The following RTN4RL1 variants were observed in gnomAD, a reference collection of about 807,000 sequenced individuals.
RTN4RL1 encodes reticulon-4 receptor-like 1.
Under a neutral mutation model 25.6 loss-of-function variants are expected in RTN4RL1, and 7 were observed. The ratio of observed to expected loss-of-function variants is 0.27; its 90% CI spans 0.16 to 0.51. RTN4RL1 has a LOEUF of 0.51. RTN4RL1 is among the 20% of genes least tolerant of loss of function. RTN4RL1 has a pLI of 0.97. For missense variants in RTN4RL1, 500 were observed against 615.6 expected (o/e 0.81, Z 1.99); for synonymous variants, 297 against 288.2 (o/e 1.03, Z -0.31).
intron 1 of RTN4RL1, among the ~76,000 whole-genome samples, chr17:1,980,802 C>G (rs546466275): frequency 6.6e-6 from 1 of 151,544 alleles, no homozygotes; most frequent in Admixed American, 6.6e-5. Context: ...GGTGGTGTAG[C>G]CTGTAATCCC....
chr17:1,937,949 G>A lies in RTN4RL1; in HGVS notation c.14-141C>T, dbSNP rs563695818. ...TTGTCCCTGGCTGGAGCAAGGCCAG[G>A]GTCAAGGCCCAAGCCTGGAACCCGT... On this transcript the variant is annotated intron_variant, in intron 1 of 1. Transcript: ENST00000331238. The A allele has an allele frequency of 4.7e-4, 346 of 739,724 alleles. 8 individuals carry two copies. The South Asian group carries it at 6.3e-3, about 13-fold the overall frequency. The allele number at this position is 739,724 out of a possible 1,614,324, so 45.8% of individuals were successfully genotyped here.
intron 1 of RTN4RL1, among the ~76,000 whole-genome samples, chr17:1,939,155 A>G (rs111759536): frequency 0.015 from 2,213 of 152,060 alleles, 27 homozygotes; most frequent in Non-Finnish European, 0.021. Context: ...GATCGAGACC[A>G]TCCTGGCTAA....
rs1323277246 is a variant in RTN4RL1 at position 1,971,961 on chromosome 17, C to CAAAAAAAAAAAAAAAA, written c.14-34169_14-34154dup. On this transcript the variant is annotated intron_variant, in intron 1 of 1. Coordinates refer to ENST00000331238, the MANE Select transcript of RTN4RL1 (RefSeq NM_178568.4). ...TGGGCGACAGAGCCAGACTCCCTCT[C>CAAAAAAAAAAAAAAAA]AAAAAAAAAAAAAAAAAATTTTAAA... is the stretch of plus-strand genomic sequence containing the variant. Among the ~76,000 whole-genome samples, 41 of 59,812 alleles carry CAAAAAAAAAAAAAAAA rather than the reference C, an allele frequency of 6.9e-4. 1 individual carries two copies. The highest frequency in any genetic ancestry group is 9.7e-4 in the Non-Finnish European group (29 of 29,834). 39.2% of individuals were successfully genotyped at this position (59,812 alleles called of 152,430 possible). A position where few individuals can be genotyped will look rare whatever the true frequency, so the allele number is the denominator to read the frequency against.
At chr17:1,967,757 A>G in intron 1 of RTN4RL1, among the ~76,000 whole-genome samples, 1 of 151,958 alleles carries the variant, frequency 6.6e-6, no homozygotes, top group East Asian at 1.9e-4. Flanking sequence ...CTCCTGCCTC[A>G]GCTTCCCAAG....
At chr17:2,007,705 G>C (rs1375625379) in intron 1 of RTN4RL1, among the ~76,000 whole-genome samples, 3 of 152,204 alleles carry the variant, frequency 2.0e-5, no homozygotes, top group African/African-American at 7.2e-5. Flanking sequence ...CAGCACTTTG[G>C]GAGGCCAAGG....
intron 1 of RTN4RL1, among the ~76,000 whole-genome samples, chr17:1,943,951 G>C (rs1408429253): frequency 1.3e-5 from 2 of 151,790 alleles, no homozygotes; most frequent in Admixed American, 6.6e-5. Flanking sequence ...TTTAAGACAC[G>C]GTCTTGCTCT....
At position 1,937,620 on chromosome 17, in the gene RTN4RL1, G is replaced by C. The variant is rs780091628; in HGVS notation, c.202C>G (p.Leu68Val). 1.2e-6 allele frequency: 2 copies of C among 1,613,930 alleles called. No homozygotes were observed. The highest frequency in any genetic ancestry group is 2.2e-5 in the South Asian group (2 of 91,078). ...RVFLQNNRIGLLQPGHFSPAM... is the reference protein window; with the variant it reads ...RVFLQNNRIGVLQPGHFSPAM... ...GGGCTGAAGTGGCCGGGCTGGAGGA[G>C]GCCGATGCGGTTGTTCTGCAGGAAG... Residue 68 changes from leucine (L) to valine (V), a missense_variant, in exon 2 of 2, where the codon CTC becomes GTC. Coordinates refer to ENST00000331238, the MANE Select transcript of RTN4RL1 (RefSeq NM_178568.4).
At chr17:1,975,652 A>T (rs9898337) in intron 1 of RTN4RL1, among the ~76,000 whole-genome samples, 37,643 of 152,064 alleles carry the variant, frequency 0.25, 4,942 homozygotes, top group Middle Eastern at 0.31. Flanking sequence ...CTTTGACTCA[A>T]AAAAGAAAAA....
chr17:1,981,168 G>A (rs1181777750), intron 1 of RTN4RL1, among the ~76,000 whole-genome samples: 2 of 151,966 alleles, frequency 1.3e-5, no homozygotes, highest in African/African-American at 4.8e-5. Context: ...AGGATCACTT[G>A]AGCCCAGTTC....
At chr17:1,950,370 C>T (rs1915647728) in intron 1 of RTN4RL1, among the ~76,000 whole-genome samples, 1 of 152,102 alleles carries the variant, frequency 6.6e-6, no homozygotes, top group Non-Finnish European at 1.5e-5. Context: ...ATGAGGGTAT[C>T]ACTATGAGAC....
At position 1,937,375 on chromosome 17, in the gene RTN4RL1, G is replaced by A; in HGVS notation, c.447C>T (p.His149=). ...CCTGCAGGTAGAGGTACTGCAGGCTGTGCAGGCCGCCAAAGACGCCGGCCG... is the reference window on the plus strand; with the variant it reads ...CCTGCAGGTAGAGGTACTGCAGGCTATGCAGGCCGCCAAAGACGCCGGCCG... ...ALPAGVFGGL[H]SLQYLYLQDN... is the part of the protein sequence containing the mutation. Residue 149 remains histidine (H), a synonymous_variant, in exon 2 of 2, where the codon CAC becomes CAT. Coordinates refer to ENST00000331238, the MANE Select transcript of RTN4RL1 (RefSeq NM_178568.4). The A allele has an allele frequency of 6.2e-7, 1 of 1,613,750 alleles. No individual in the cohort carries two copies. Among genetic ancestry groups the A allele is most frequent in the South Asian group, 1.1e-5 (1 of 91,090 alleles).
intron 1 of RTN4RL1, among the ~76,000 whole-genome samples, chr17:1,955,759 T>C (rs959855239): frequency 2.6e-5 from 4 of 151,688 alleles, no homozygotes; most frequent in African/African-American, 9.7e-5. Flanking sequence ...AATTTTTGTA[T>C]TTTTAGTAGA....
At chr17:2,011,350 C>T (rs2067047165) in intron 1 of RTN4RL1, among the ~76,000 whole-genome samples, 1 of 152,222 alleles carries the variant, frequency 6.6e-6, no homozygotes, top group African/African-American at 2.4e-5. Context: ...GACCGCTCAT[C>T]CATGGATAAA....
At chr17:1,956,077 T>C (rs1915786921) in intron 1 of RTN4RL1, among the ~76,000 whole-genome samples, 1 of 152,094 alleles carries the variant, frequency 6.6e-6, no homozygotes, top group Admixed American at 6.6e-5. Flanking sequence ...ATTGGGATCA[T>C]GCTATATATG....
chr17:2,015,598 G>T (rs2151328402), intron 1 of RTN4RL1, among the ~76,000 whole-genome samples: 1 of 152,338 alleles, frequency 6.6e-6, no homozygotes, highest in East Asian at 1.9e-4. Context: ...CGGCCAACAG[G>T]GCCGATGCCC....
chr17:1,958,074 T>C (rs1353974707), intron 1 of RTN4RL1, among the ~76,000 whole-genome samples: 1 of 150,466 alleles, frequency 6.6e-6, no homozygotes, highest in Non-Finnish European at 1.5e-5. Context: ...ACACCTGTAG[T>C]CCCCGCTACT....
At chr17:2,012,882 C>T (rs2067068025) in intron 1 of RTN4RL1, among the ~76,000 whole-genome samples, 1 of 152,016 alleles carries the variant, frequency 6.6e-6, no homozygotes, top group African/African-American at 2.4e-5. Context: ...CAACTTCCAC[C>T]TCCTGTGTTC....
intron 1 of RTN4RL1, among the ~76,000 whole-genome samples, chr17:1,970,867 A>G (rs73976154): frequency 0.2 from 30,805 of 152,006 alleles, 3,404 homozygotes; most frequent in Middle Eastern, 0.28. Flanking sequence ...CATTTTTTGA[A>G]TCAGGGACCC....
At chr17:1,981,520 C>T (rs1597225473) in intron 1 of RTN4RL1, among the ~76,000 whole-genome samples, 2 of 152,226 alleles carry the variant, frequency 1.3e-5, no homozygotes, top group Admixed American at 6.5e-5. Flanking sequence ...GCGGCTGCCT[C>T]GTGTGCAGAT....
Sources: allele counts gnomAD v4.1 joint callset (sites outside exome capture counted in the v4.1 genomes callset), GRCh38; gene constraint gnomAD v4.1.1; transcripts MANE v1.5; gene names NCBI Gene and HGNC (gene_info 2026-07-23, HGNC 2026-07-21).